MAGI2: variants seen among roughly 807,000 people sequenced by gnomAD.
MAGI2 encodes the protein membrane associated guanylate kinase, WW and PDZ domain containing 2, also known as membrane-associated guanylate kinase, WW and PDZ domain-containing protein 2.
In MAGI2, 35 loss-of-function variants were observed where a neutral mutation model predicts 133.3. The observed-to-expected ratio is 0.26, with a 90% CI of 0.20 to 0.35. The LOEUF is 0.35. Ranked by LOEUF, MAGI2 falls within the 10% of genes least tolerant of loss-of-function variation. The pLI is 1.00. For synonymous variants in MAGI2, 729 were observed against 710.6 expected, an observed-to-expected ratio of 1.03 and a Z score of -0.41; for missense variants, 1,636 against 1,863.4, an observed-to-expected ratio of 0.88 and a Z score of 2.25.
Position 78,127,344 on chromosome 7 carries a change from C to CCTGTAGT in MAGI2, c.3269_3275dup (p.Gln1093LeufsTer54). The CCTGTAGT allele has an allele frequency of 6.2e-7, 1 of 1,610,714 alleles. No homozygotes were observed. Among genetic ancestry groups the CCTGTAGT allele is most frequent in the East Asian group, 2.2e-5 (1 of 44,884 alleles). On this transcript the variant is annotated frameshift_variant, in exon 19 of 22. Coordinates refer to ENST00000354212, the MANE Select transcript of MAGI2 (RefSeq NM_012301.4). LOFTEE classifies it high-confidence loss of function. ...GTTGCCTGTAATCCAGCGGGGGCTG[C>CCTGTAGT]CTGTAGTCTGTGAATGGAGGCTGTC...
chr7:79,424,528 C>CA, intron 1 of MAGI2, among the ~76,000 whole-genome samples: 1 of 151,828 alleles, frequency 6.6e-6, no homozygotes, highest in Middle Eastern at 3.4e-3. Context: ...ATTATATGAT[C>CA]AAAAAATGCA....
Position 79,228,354 on chromosome 7 carries a change from C to CAAAAAAAAA in MAGI2, c.302-221157_302-221149dup, listed in dbSNP as rs746424350. ...CAAGACCCTGTCTCAAAAAAACAGG[C>CAAAAAAAAA]AAAAAAAAAAAAAAAAGATCGTGGG... On this transcript the variant is annotated intron_variant, in intron 1 of 21. Coordinates refer to ENST00000354212, the MANE Select transcript of MAGI2 (RefSeq NM_012301.4). Among the ~76,000 whole-genome samples the CAAAAAAAAA allele has an allele frequency of 1.5e-3, 46 of 31,416 alleles. 6 individuals are homozygous for CAAAAAAAAA. The highest frequency in any genetic ancestry group is 4.2e-3 in the Admixed American group (8 of 1,912). The allele number at this position is 31,416 out of a possible 152,430, so 20.6% of individuals were successfully genotyped here.
At chr7:78,050,098 G>A (rs1356804575) in intron 21 of MAGI2, among the ~76,000 whole-genome samples, 1 of 152,132 alleles carries the variant, frequency 6.6e-6, no homozygotes, top group Admixed American at 6.5e-5. Context: ...TCACAACAGA[G>A]AAAATTCACC....
chr7:78,626,276 TAC>T, intron 3 of MAGI2, among the ~76,000 whole-genome samples: 1 of 152,306 alleles, frequency 6.6e-6, no homozygotes, highest in East Asian at 1.9e-4. Context: ...ATTATATATA[TAC>T]ACAGATACAT....
chr7:79,075,470 A>C (rs1380903539), intron 1 of MAGI2, among the ~76,000 whole-genome samples: 1 of 152,122 alleles, frequency 6.6e-6, no homozygotes, highest in Non-Finnish European at 1.5e-5. Flanking sequence ...GAATATAATT[A>C]TATCATTAGG....
chr7:79,388,475 T>A (rs1657568564), intron 1 of MAGI2, among the ~76,000 whole-genome samples: 1 of 151,990 alleles, frequency 6.6e-6, no homozygotes, highest in African/African-American at 2.4e-5. Flanking sequence ...TAAGTTATTC[T>A]TAGTTCATTA....
At chr7:78,820,072 C>A (rs144134295) in intron 2 of MAGI2, among the ~76,000 whole-genome samples, 1 of 151,692 alleles carries the variant, frequency 6.6e-6, no homozygotes, top group Non-Finnish European at 1.5e-5. Flanking sequence ...ACTTGGTCAT[C>A]GATTGTTAGT....
rs1554471869 is a variant in MAGI2, at chr7:79,399,110, T to TTG, written c.301+53909_301+53910insCA. On this transcript the variant is annotated intron_variant, in intron 1 of 21. Transcript: ENST00000354212. ...TTTTTCTTTTCTTTTTTTTTTTTTT[T>TTG]GGGAGATGGAGCCTCACTCTGTGGC... 4.2e-4 allele frequency among the ~76,000 whole-genome samples: 62 copies of TTG among 146,300 alleles called. 3 individuals carry two copies. Among genetic ancestry groups the TTG allele is most frequent in the African/African-American group, 1.5e-3 (57 of 39,042 alleles).
chr7:78,306,650 C>G (rs1248148134), intron 9 of MAGI2, among the ~76,000 whole-genome samples: 2 of 152,168 alleles, frequency 1.3e-5, no homozygotes, highest in African/African-American at 4.8e-5. Context: ...CACCAAATGA[C>G]TGTATTCTTC....
intron 2 of MAGI2, among the ~76,000 whole-genome samples, chr7:78,996,325 G>T (rs1806306755): frequency 6.6e-6 from 1 of 152,264 alleles, no homozygotes; most frequent in East Asian, 1.9e-4. Context: ...GAGCTATCAA[G>T]CCAGATTCCC....
chr7:78,521,406 C>A (rs1221326264), intron 4 of MAGI2, 24 bp downstream of exon 4: 3 of 1,570,212 alleles, frequency 1.9e-6, no homozygotes, highest in African/African-American at 2.7e-5. Context: ...ATTTATGAAG[C>A]CATAAAAAAT....
At chr7:78,340,957 G>T (rs921169384) in intron 9 of MAGI2, among the ~76,000 whole-genome samples, 1 of 152,038 alleles carries the variant, frequency 6.6e-6, no homozygotes, top group South Asian at 2.1e-4. Flanking sequence ...TTCTGGCTGG[G>T]GCAATCAGGC....
intron 1 of MAGI2, among the ~76,000 whole-genome samples, chr7:79,026,622 C>A (rs1437091863): frequency 6.6e-6 from 1 of 151,912 alleles, no homozygotes; most frequent in African/African-American, 2.4e-5. Flanking sequence ...GTCTGTAATC[C>A]AGCACTTTGG....
At chr7:78,351,769 A>G (rs1791540968) in intron 7 of MAGI2, 1 of 152,152 alleles carries the variant, frequency 6.6e-6, no homozygotes, top group Non-Finnish European at 1.5e-5. Flanking sequence ...GGAAGACTTC[A>G]TAATTTTTTC....
chr7:78,850,915 CTT>C (rs1281750017), intron 2 of MAGI2, among the ~76,000 whole-genome samples: 2 of 151,984 alleles, frequency 1.3e-5, no homozygotes, highest in Non-Finnish European at 2.9e-5. Flanking sequence ...TCCTCAGTGA[CTT>C]TTTTTAAAGG....
intron 1 of MAGI2, among the ~76,000 whole-genome samples, chr7:79,214,385 CTCTCTCTCTCTCTCTCTCTCTCTA>C (rs1329162610): frequency 1.6e-4 from 14 of 90,308 alleles, no homozygotes; most frequent in Non-Finnish European, 2.5e-4. Flanking sequence ...CTCTCTCTCT[CTCTCTCTCTCTCTCTCTCTCTCTA>C]TATATATATA....
chr7:78,670,163 C>T (rs1814186960), intron 2 of MAGI2, among the ~76,000 whole-genome samples: 1 of 151,874 alleles, frequency 6.6e-6, no homozygotes, highest in African/African-American at 2.4e-5. Context: ...GATTGTATAT[C>T]TAGAAAACCC....
At chr7:78,555,167 A>AATAT (rs1331509330) in intron 3 of MAGI2, among the ~76,000 whole-genome samples, 5 of 58,832 alleles carry the variant, frequency 8.5e-5, no homozygotes, top group African/African-American at 1.7e-4. Context: ...TAAATAAATA[A>AATAT]ATAAATGAAT....
chr7:79,373,115 T>A (rs187833825), intron 1 of MAGI2, among the ~76,000 whole-genome samples: 5 of 152,182 alleles, frequency 3.3e-5, no homozygotes, highest in Admixed American at 2.6e-4. Context: ...CATTTGGTAA[T>A]CTTAAAAAAT....
Sources: allele counts gnomAD v4.1 joint callset (sites outside exome capture counted in the v4.1 genomes callset), GRCh38; gene constraint gnomAD v4.1.1; transcripts MANE v1.5; gene names NCBI Gene and HGNC (gene_info 2026-07-23, HGNC 2026-07-21).